The following AKAP13 variants were observed in gnomAD, a reference collection of about 807,000 sequenced individuals.
AKAP13 encodes the protein A-kinase anchor protein 13.
AKAP13 carries 80 observed loss-of-function variants against 264.5 expected under a neutral mutation model. The ratio of observed to expected loss-of-function variants is 0.30; its 90% CI spans 0.25 to 0.36. The LOEUF is 0.36. Ranked by LOEUF, AKAP13 falls within the 10% of genes least tolerant of loss-of-function variation. AKAP13 has a pLI of 1.00. For synonymous variants in AKAP13, 1,380 were observed against 1,250.2 expected (o/e 1.10, Z -2.19); for missense variants, 3,712 against 3,435.2 (o/e 1.08, Z -2.01).
chr15:85,631,502 TCA>T (rs55928032), intron 8 of AKAP13, among the ~76,000 whole-genome samples: 12,094 of 139,326 alleles, frequency 0.087, 669 homozygotes, highest in Middle Eastern at 0.22. Flanking sequence ...TCTCTCTCTC[TCA>T]CACACACACA....
At position 85,727,604 on chromosome 15, in the gene AKAP13, C is replaced by A; in HGVS notation, c.7087+141C>A. 1.2e-6 allele frequency: 1 copy of A among 824,814 alleles called. No homozygotes were observed. The highest frequency in any genetic ancestry group is 1.9e-6 in the Non-Finnish European group (1 of 522,886). 51.1% of individuals were successfully genotyped at this position (824,814 alleles called of 1,614,324 possible). On this transcript the variant is annotated intron_variant, in intron 29 of 36. Transcript: ENST00000394518. This position sits in a 1 kb window ranked among gnomAD's most constrained non-coding sequence, Gnocchi z 5.3. ...CACTTGAAAGCAGCAAAATGAATAG[C>A]TGTTAACAAAAGAGAAACCAAGGCC... is the stretch of plus-strand genomic sequence containing the variant.
chr15:85,387,298 T>C (rs1316317621), intron 1 of AKAP13, among the ~76,000 whole-genome samples: 2 of 152,082 alleles, frequency 1.3e-5, no homozygotes, highest in African/African-American at 4.8e-5. Context: ...ATTGCGCCAC[T>C]TTACTCCAGC....
Position 85,580,194 on chromosome 15 carries a change from G to A in AKAP13, c.2126G>A (p.Cys709Tyr), listed in dbSNP as rs746447879. 5.0e-6 allele frequency: 8 copies of A among 1,614,086 alleles called. No individual in the cohort carries two copies. The Admixed American group carries it at 8.3e-5, about 17-fold the overall frequency. Residue 709 changes from cysteine (C) to tyrosine (Y), a missense_variant, in exon 7 of 37, where the codon TGT becomes TAT. Physicochemically the swap from Cys to Tyr is radical, Grantham distance 194. Coordinates refer to ENST00000394518, the MANE Select transcript of AKAP13 (RefSeq NM_007200.5). ...SSQDPPDASH[C>Y]EDPQAHTVTS... ...CAAGATCCACCCGATGCCTCCCACT[G>A]TGAAGACCCACAGGCTCATACAGTC... is the stretch of plus-strand genomic sequence containing the variant.
At position 85,516,487 on chromosome 15, in the gene AKAP13, G is replaced by A. The variant is rs2076604442; in HGVS notation, c.34-4941G>A. Among the ~76,000 whole-genome samples the A allele has an allele frequency of 3.3e-5, 5 of 152,338 alleles. No homozygotes were observed. In the Middle Eastern group the frequency reaches 0.017, roughly 518 times the overall value. On this transcript the variant is annotated intron_variant, in intron 2 of 36. Transcript: ENST00000394518. ...CTTAAAGTGGTGATAATACTGAACT[G>A]CTGTGAGGAGAACTATGATGACACT...
intron 29 of AKAP13, among the ~76,000 whole-genome samples, chr15:85,729,707 C>T (rs1043075398): frequency 6.6e-6 from 1 of 151,972 alleles, no homozygotes; most frequent in Non-Finnish European, 1.5e-5. Context: ...GAGGCCAAGG[C>T]GGGCAGATCA....
At chr15:85,670,921 T>C (rs2151567753) in intron 14 of AKAP13, 1 of 152,298 alleles carries the variant, frequency 6.6e-6, no homozygotes, top group South Asian at 2.1e-4. Flanking sequence ...TCAGTGTTGT[T>C]TGTCACAAAA....
At chr15:85,611,096 A>G (rs1039086189) in intron 8 of AKAP13, among the ~76,000 whole-genome samples, 2 of 152,220 alleles carry the variant, frequency 1.3e-5, no homozygotes, top group African/African-American at 2.4e-5. Flanking sequence ...GATCTATGAA[A>G]TATTTGCCTA....
chr15:85,613,628 C>T (rs2080778867), intron 8 of AKAP13, among the ~76,000 whole-genome samples: 1 of 144,806 alleles, frequency 6.9e-6, no homozygotes, highest in Non-Finnish European at 1.5e-5. Context: ...TTGCAGTGAG[C>T]CGAGATCTCA....
rs565681555 is a variant in AKAP13, at chr15:85,730,364, C to G, written c.7088-149C>G. The G allele has an allele frequency of 4.3e-5, 31 of 727,752 alleles. No individual in the cohort carries two copies. In the South Asian group the frequency reaches 5.1e-4, roughly 12 times the overall value. 45.1% of individuals were successfully genotyped at this position (727,752 alleles called of 1,614,324 possible). On this transcript the variant is annotated intron_variant, in intron 29 of 36. Coordinates refer to ENST00000394518, the MANE Select transcript of AKAP13 (RefSeq NM_007200.5). ...CACAGAACAGAAACAATATTGCTGT[C>G]TTGATGAAAAAGAAAAGGCAGTGTG...
chr15:85,638,626 G>A (rs1431391182), intron 8 of AKAP13, among the ~76,000 whole-genome samples: 2 of 152,198 alleles, frequency 1.3e-5, no homozygotes, highest in East Asian at 3.9e-4. Context: ...ATATTAAGAG[G>A]GTTGGGAGGT....
chr15:85,409,707 T>C (rs1318432560), intron 1 of AKAP13, among the ~76,000 whole-genome samples: 2 of 148,360 alleles, frequency 1.3e-5, no homozygotes, highest in East Asian at 2.1e-4. Flanking sequence ...CTCGGCTCAC[T>C]GCAAGCTCCG....
At chr15:85,712,197 C>T (rs960470888) in intron 19 of AKAP13, among the ~76,000 whole-genome samples, 2 of 152,234 alleles carry the variant, frequency 1.3e-5, no homozygotes, top group South Asian at 4.2e-4. Context: ...AAAACCGCTC[C>T]TTTATGCCCA....
chr15:85,434,005 C>T (rs2073146753), intron 1 of AKAP13, among the ~76,000 whole-genome samples: 1 of 151,944 alleles, frequency 6.6e-6, no homozygotes, highest in South Asian at 2.1e-4. Context: ...CTCCGGTCTA[C>T]AGCTCCCAGC....
intron 5 of AKAP13, among the ~76,000 whole-genome samples, chr15:85,568,521 A>G (rs2078690944): frequency 6.6e-6 from 1 of 152,172 alleles, no homozygotes; most frequent in Non-Finnish European, 1.5e-5. Flanking sequence ...GTGGCTGGAA[A>G]AGAACATCGG....
At chr15:85,633,117 C>T (rs573386673) in intron 8 of AKAP13, among the ~76,000 whole-genome samples, 3 of 152,298 alleles carry the variant, frequency 2.0e-5, no homozygotes, top group South Asian at 2.1e-4. Context: ...CCGCCTGCCT[C>T]GGCCTCCCAA....
chr15:85,571,264 T>C (rs566531237), intron 5 of AKAP13, among the ~76,000 whole-genome samples: 78 of 93,816 alleles, frequency 8.3e-4, no homozygotes, highest in Middle Eastern at 6.7e-3. Context: ...ACTAGACTTA[T>C]GTACTTTTTT....
chr15:85,400,143 T>A (rs1005514062), intron 1 of AKAP13, among the ~76,000 whole-genome samples: 4 of 152,146 alleles, frequency 2.6e-5, no homozygotes, highest in African/African-American at 9.7e-5. Flanking sequence ...CTCACACTTA[T>A]AATCTCAGCA....
intron 1 of AKAP13, among the ~76,000 whole-genome samples, chr15:85,439,086 A>G (rs944952880): frequency 1.3e-4 from 20 of 151,878 alleles, no homozygotes; most frequent in Non-Finnish European, 2.2e-4. Context: ...AAGGGCTAAT[A>G]TCCAGAATCT....
intron 8 of AKAP13, among the ~76,000 whole-genome samples, chr15:85,623,458 G>A (rs1368984376): frequency 6.6e-6 from 1 of 152,162 alleles, no homozygotes; most frequent in Non-Finnish European, 1.5e-5. Context: ...ATTAGCTTCA[G>A]CATTCTCATT....
Sources: allele counts gnomAD v4.1 joint callset (sites outside exome capture counted in the v4.1 genomes callset), GRCh38; gene constraint gnomAD v4.1.1; non-coding constraint Gnocchi (gnomAD v3.1); transcripts MANE v1.5; gene names NCBI Gene and HGNC (gene_info 2026-07-23, HGNC 2026-07-21).